Variants in SLC35F2 observed in about 807,000 individuals in gnomAD.
SLC35F2 encodes the protein queuine/queuosine transporter SLC35F2.
Under a neutral mutation model 38.1 loss-of-function variants are expected in SLC35F2, and 25 were observed. The ratio of observed to expected loss-of-function variants is 0.66; its 90% CI spans 0.48 to 0.92. The LOEUF is 0.92. SLC35F2 is among the 40% of genes least tolerant of loss of function. The pLI, the probability that SLC35F2 is intolerant of heterozygous loss-of-function variation, is 0.00. For missense variants in SLC35F2, 409 were observed against 452.9 expected (o/e 0.90, Z 0.88); for synonymous variants, 173 against 181.7 (o/e 0.95, Z 0.38).
intron 1 of SLC35F2, among the ~76,000 whole-genome samples, chr11:107,837,233 CG>C (rs1431672778): frequency 6.6e-6 from 1 of 152,128 alleles, no homozygotes; most frequent in Non-Finnish European, 1.5e-5. Context: ...TGAGCTCTTA[CG>C]TATATTAACA....
At chr11:107,832,290 A>G (rs1297578324) in intron 1 of SLC35F2, among the ~76,000 whole-genome samples, 1 of 152,190 alleles carries the variant, frequency 6.6e-6, no homozygotes, top group Admixed American at 6.6e-5. Flanking sequence ...TAGTTCCCGG[A>G]ACTGGTTTAT....
chr11:107,816,337 AG>A, intron 1 of SLC35F2: 2 of 963,970 alleles, frequency 2.1e-6, no homozygotes, highest in Non-Finnish European at 2.5e-6. Context: ...GCTAGAGTGC[AG>A]TGGTGCAATC....
rs1419936550 is a variant in SLC35F2, at chr11:107,806,764, C to T, written c.527G>A (p.Gly176Glu). Residue 176 changes from glycine (G) to glutamate (E), a missense_variant, in exon 4 of 8, where the codon GGA becomes GAA. Transcript: ENST00000525815. Reference protein sequence around the residue: ...IAVAVCLLGVGTMVGADILAG... With the variant: ...IAVAVCLLGVETMVGADILAG... ...TAGTATGTCTGCACCAACCATGGTTCCTACACCCAACAGACAGACAGCCAC... is the reference window on the plus strand; with the variant it reads ...TAGTATGTCTGCACCAACCATGGTTTCTACACCCAACAGACAGACAGCCAC... The T allele has an allele frequency of 6.2e-7, 1 of 1,614,066 alleles. No individual in the cohort carries two copies.
chr11:107,803,667 G>T, intron 6 of SLC35F2: 1 of 224,472 alleles, frequency 4.5e-6, no homozygotes, highest in Non-Finnish European at 7.4e-6. Context: ...AGTGCTCCGA[G>T]GCAGCACAAT....
chr11:107,843,859 AAAAAAAAAAATATATAT>A (rs1860053759), intron 1 of SLC35F2, among the ~76,000 whole-genome samples: 6 of 38,798 alleles, frequency 1.5e-4, no homozygotes, highest in South Asian at 2.0e-3. Flanking sequence ...AAAAAAAAAA[AAAAAAAAAAATATATAT>A]ATATATATAT....
intron 1 of SLC35F2, among the ~76,000 whole-genome samples, chr11:107,836,452 G>A (rs1432521773): frequency 6.6e-6 from 1 of 152,086 alleles, no homozygotes; most frequent in Admixed American, 6.6e-5. Context: ...CCTGTGAATA[G>A]GTTACCTTAC....
chr11:107,857,812 CTTCT>C (rs201508081), intron 1 of SLC35F2, among the ~76,000 whole-genome samples: 1,845 of 152,296 alleles, frequency 0.012, 13 homozygotes, highest in Admixed American at 0.022. Context: ...ATTGCTTAGC[CTTCT>C]TTGTTTCTCC....
chr11:107,804,479 T>G (rs1312036676), intron 6 of SLC35F2, among the ~76,000 whole-genome samples: 1 of 152,214 alleles, frequency 6.6e-6, no homozygotes, highest in Non-Finnish European at 1.5e-5. Flanking sequence ...CCAGTCTTGT[T>G]CAGGATTCCT....
At chr11:107,851,848 C>G (rs1860192406) in intron 1 of SLC35F2, among the ~76,000 whole-genome samples, 1 of 152,144 alleles carries the variant, frequency 6.6e-6, no homozygotes, top group Non-Finnish European at 1.5e-5. Flanking sequence ...CCCCAGGGAA[C>G]TGCACAAGCC....
intron 1 of SLC35F2, among the ~76,000 whole-genome samples, chr11:107,822,555 C>T (rs1859689740): frequency 6.6e-6 from 1 of 152,114 alleles, no homozygotes; most frequent in African/African-American, 2.4e-5. Context: ...TGTGTGCCCC[C>T]ACAAAATACC....
At chr11:107,818,732 T>A (rs189388988) in intron 1 of SLC35F2, among the ~76,000 whole-genome samples, 3 of 152,370 alleles carry the variant, frequency 2.0e-5, no homozygotes, top group Admixed American at 2.0e-4. Flanking sequence ...GCTTTATTGA[T>A]CCATTCCACT....
intron 2 of SLC35F2, among the ~76,000 whole-genome samples, chr11:107,814,494 G>T (rs1859532506): frequency 6.6e-6 from 1 of 151,896 alleles, no homozygotes; most frequent in Admixed American, 6.6e-5. Context: ...CAGCTACCAG[G>T]AGTTTGTGGG....
intron 1 of SLC35F2, among the ~76,000 whole-genome samples, chr11:107,856,454 G>A (rs1461894583): frequency 6.6e-6 from 1 of 152,154 alleles, no homozygotes; most frequent in African/African-American, 2.4e-5. Context: ...CACTACTTTG[G>A]GAGGCGGAGG....
At chr11:107,829,627 A>C (rs993593311) in intron 1 of SLC35F2, among the ~76,000 whole-genome samples, 1 of 151,680 alleles carries the variant, frequency 6.6e-6, no homozygotes, top group Non-Finnish European at 1.5e-5. Context: ...GCAACAAAAA[A>C]CAAATTAAGA....
rs1399436474 is a variant in SLC35F2, at chr11:107,829,083, G to A, written c.111-13118C>T. On this transcript the variant is annotated intron_variant, in intron 1 of 7. Transcript: ENST00000525815. ...AGATCACGCCACTGCACTCCAGCCT[G>A]GGCGACAGAGTGAGACTGTCTTGGA... Among the ~76,000 whole-genome samples the A allele has an allele frequency of 4.6e-5, 7 of 151,234 alleles. No homozygotes were observed. In the East Asian group the frequency reaches 1.4e-3, roughly 29 times the overall value.
At chr11:107,851,983 A>T (rs1860195138) in intron 1 of SLC35F2, among the ~76,000 whole-genome samples, 1 of 152,208 alleles carries the variant, frequency 6.6e-6, no homozygotes, top group Non-Finnish European at 1.5e-5. Flanking sequence ...ATGTCTGTTG[A>T]TTGGATAAAG....
chr11:107,845,995 G>C (rs867776838), intron 1 of SLC35F2, among the ~76,000 whole-genome samples: 1 of 129,926 alleles, frequency 7.7e-6, no homozygotes, highest in Non-Finnish European at 1.7e-5. Flanking sequence ...AAATAACATA[G>C]GCTCCTGTCA....
chr11:107,793,054 C>T (rs956858097), intron 7 of SLC35F2: 1 of 341,782 alleles, frequency 2.9e-6, no homozygotes, highest in Non-Finnish European at 4.1e-6. Flanking sequence ...GTAGCTGACA[C>T]CACAGGCACT....
chr11:107,816,303 A>T (rs1859573588), intron 1 of SLC35F2: 1 of 982,978 alleles, frequency 1.0e-6, no homozygotes, highest in Admixed American at 6.2e-5. Flanking sequence ...TTTTTTTGAG[A>T]CAGGGTCTTG....
Sources: gnomAD v4.1 joint callset for allele counts (sites outside exome capture counted in the v4.1 genomes callset) on GRCh38, gnomAD v4.1.1 for gene constraint, MANE v1.5 for transcripts, NCBI Gene and HGNC (gene_info 2026-07-23, HGNC 2026-07-21) for gene names.